PIK3C2B: variants seen among roughly 807,000 people sequenced by gnomAD.
PIK3C2B encodes the protein phosphatidylinositol-4-phosphate 3-kinase catalytic subunit type 2 beta, also known as phosphatidylinositol 4-phosphate 3-kinase C2 domain-containing subunit beta.
Under a neutral mutation model 184.3 loss-of-function variants are expected in PIK3C2B, and 83 were observed. The ratio of observed to expected loss-of-function variants is 0.45; its 90% CI spans 0.38 to 0.54. The LOEUF (loss-of-function observed/expected upper bound fraction) is 0.54, where lower values mean the gene tolerates loss of function less well. PIK3C2B is among the 20% of genes least tolerant of loss of function. PIK3C2B has a pLI of 0.00. For missense variants in PIK3C2B, 1,736 were observed against 2,113.5 expected (o/e 0.82, Z 3.50); for synonymous variants, 779 against 837.6 (o/e 0.93, Z 1.21).
Position 204,444,143 on chromosome 1 carries a change from T to C in PIK3C2B, c.2792A>G (p.Tyr931Cys). The change falls in exon 18 of 33, where the codon TAC becomes TGC. Residue 931 changes from tyrosine to cysteine, a missense_variant. Coordinates refer to ENST00000684373, the MANE Select transcript of PIK3C2B (RefSeq NM_001377334.1). The stretch of plus-strand genomic sequence containing the variant: ...GAAGCGCACCAACGGGCTGTCCAGG[T>C]AGCATTCATACTTCAGGGCCTGTTT... ...QLVQALKYEC[Y>C]LDSPLVRFLL... 6.2e-7 allele frequency: 1 copy of C among 1,613,462 alleles called. No homozygotes were observed. The highest frequency in any genetic ancestry group is 2.2e-5 in the East Asian group (1 of 44,882).
At chr1:204,455,771 A>T in intron 11 of PIK3C2B, 85 bp downstream of exon 11, 1 of 1,021,234 alleles carries the variant, frequency 9.8e-7, no homozygotes, top group Admixed American at 2.5e-5. Context: ...GACTTAGGAC[A>T]GTGGTATTAC....
At chr1:204,444,284 A>G in intron 17 of PIK3C2B, 47 bp downstream of exon 17, 1 of 1,525,428 alleles carries the variant, frequency 6.6e-7, no homozygotes, top group East Asian at 2.3e-5. Flanking sequence ...CACTTGGGAT[A>G]CTGGGGATGG....
At chr1:204,467,577 G>A (rs961603940) in intron 2 of PIK3C2B, among the ~76,000 whole-genome samples, 1 of 152,110 alleles carries the variant, frequency 6.6e-6, no homozygotes, top group African/African-American at 2.4e-5. Flanking sequence ...GCTTACACCT[G>A]TAATCCCAGA....
Position 204,440,176 on chromosome 1 carries a change from C to T in PIK3C2B, c.3379+16G>A, listed in dbSNP as rs1558239077. ...AGCGGTCCCCTCCTCCACCCTCACC[C>T]CTACTCCCAACTGACCTCTGCCCCG... On this transcript the variant is annotated intron_variant, in intron 22 of 32. Coordinates refer to ENST00000684373, the MANE Select transcript of PIK3C2B (RefSeq NM_001377334.1). The T allele has an allele frequency of 6.2e-7, 1 of 1,609,586 alleles. No individual in the cohort carries two copies. Among genetic ancestry groups the T allele is most frequent in the Admixed American group, 1.7e-5 (1 of 59,720 alleles).
chr1:204,455,911 A>G lies in PIK3C2B; in HGVS notation c.1888T>C (p.Ser630Pro). 2 of 1,614,152 alleles carry G rather than the reference A, an allele frequency of 1.2e-6. No individual in the cohort carries two copies. Among genetic ancestry groups the G allele is most frequent in the Non-Finnish European group, 1.7e-6 (2 of 1,179,994 alleles). Residue 630 changes from serine (S) to proline (P), a missense_variant, in exon 11 of 33, where the codon TCC becomes CCC. Coordinates refer to ENST00000684373, the MANE Select transcript of PIK3C2B (RefSeq NM_001377334.1). Reference protein sequence around the residue: ...LVQEACHFARSLAFTVYATHR... With the variant: ...LVQEACHFARPLAFTVYATHR... ...GTGGCATAGACAGTGAAGGCCAGGGACCTGGCGAAATGGCAGGCCTCCTGG... is the reference window on the plus strand; with the variant it reads ...GTGGCATAGACAGTGAAGGCCAGGGGCCTGGCGAAATGGCAGGCCTCCTGG...
chr1:204,432,313 C>T lies in PIK3C2B; in HGVS notation c.4042G>A (p.Asp1348Asn), dbSNP rs1675106421. ...GAGGCAAAGGAGAGGGTCAGCCGGT[C>T]ATCTGAGCCCGTGAACTTCATCTGA... ...LAQMKFTGSD[D>N]RLTLSFASRT... Residue 1348 changes from aspartate to asparagine, a missense_variant, in exon 27 of 33, where the codon GAC becomes AAC. This residue lies in a region of PIK3C2B where 119 missense variants were observed against 179.3 expected (regional missense o/e 0.66). Coordinates refer to ENST00000684373, the MANE Select transcript of PIK3C2B (RefSeq NM_001377334.1). 2 of 1,614,126 alleles carry T rather than the reference C, an allele frequency of 1.2e-6. No homozygotes were observed. The highest frequency in any genetic ancestry group is 8.5e-7 in the Non-Finnish European group (1 of 1,180,006).
At position 204,424,544 on chromosome 1, in the gene PIK3C2B, C is replaced by T. The variant is rs1452808718; in HGVS notation, c.*308G>A. ...ACCCCCAAAATGCTACTTCATACAG[C>T]CCACCCCACACACTCCCCAAACCAA... On this transcript the variant is annotated 3_prime_UTR_variant, in exon 33 of 33. Coordinates refer to ENST00000684373, the MANE Select transcript of PIK3C2B (RefSeq NM_001377334.1). 6.2e-5 allele frequency: 28 copies of T among 452,200 alleles called. 2 individuals carry two copies. Among genetic ancestry groups the T allele is most frequent in the South Asian group, 4.7e-4 (27 of 57,970 alleles). The allele number at this position is 452,200 out of a possible 1,614,324, so 28.0% of individuals were successfully genotyped here.
At chr1:204,427,189 G>A (rs999927779) in intron 31 of PIK3C2B, among the ~76,000 whole-genome samples, 6 of 151,700 alleles carry the variant, frequency 4.0e-5, no homozygotes, top group African/African-American at 4.8e-5. Flanking sequence ...CTTAGAACTC[G>A]TACCAAAAAT....
intron 1 of PIK3C2B, among the ~76,000 whole-genome samples, chr1:204,481,146 C>T (rs1254304808): frequency 6.6e-6 from 1 of 151,818 alleles, no homozygotes; most frequent in Non-Finnish European, 1.5e-5. Context: ...TCCCATACCC[C>T]TCACACCCTC....
chr1:204,471,768 A>G (rs4951380), intron 1 of PIK3C2B, among the ~76,000 whole-genome samples: 124,142 of 152,230 alleles, frequency 0.82, 54,774 homozygotes, highest in Non-Finnish European at 0.98. Flanking sequence ...TTCAATCTGT[A>G]TATTTTATTA....
intron 1 of PIK3C2B, among the ~76,000 whole-genome samples, chr1:204,473,914 C>G (rs1434274794): frequency 6.6e-6 from 1 of 151,914 alleles, no homozygotes; most frequent in Non-Finnish European, 1.5e-5. Flanking sequence ...TGGTTTTTCT[C>G]TTCAGCACAT....
chr1:204,443,561 G>A lies in PIK3C2B; in HGVS notation c.2904C>T (p.Ser968=), dbSNP rs1467549019. ...CTGCCAGCAGATACTGGTAGCGGAT[G>A]CTGAACTGAGAGTCCTTGAGGCCGT... ...LKDGLKDSQF[S]IRYQYLLAAL... The change falls in exon 19 of 33, where the codon AGC becomes AGT. Residue 968 remains serine (S), a synonymous_variant. Coordinates refer to ENST00000684373, the MANE Select transcript of PIK3C2B (RefSeq NM_001377334.1). 1.9e-6 allele frequency: 3 copies of A among 1,614,132 alleles called. No homozygotes were observed. Among genetic ancestry groups the A allele is most frequent in the African/African-American group, 2.7e-5 (2 of 74,948 alleles).
intron 5 of PIK3C2B, among the ~76,000 whole-genome samples, 155 bp from the exon 6 acceptor site, chr1:204,460,816 C>T (rs1345220702): frequency 1.3e-5 from 2 of 152,128 alleles, no homozygotes; most frequent in African/African-American, 4.8e-5. Flanking sequence ...GAAAATGACA[C>T]GGTAGAGCTT....
intron 31 of PIK3C2B, 61 bp downstream of exon 31, chr1:204,427,587 C>T: frequency 8.5e-7 from 1 of 1,174,934 alleles, no homozygotes; most frequent in Non-Finnish European, 1.3e-6. Flanking sequence ...AAGGTCTGCC[C>T]AAAAAAGTAG....
chr1:204,484,820 T>C, intron 1 of PIK3C2B, among the ~76,000 whole-genome samples: 1 of 151,098 alleles, frequency 6.6e-6, no homozygotes, highest in East Asian at 1.9e-4. Flanking sequence ...AACATTTCAC[T>C]CTCCCAGGCC....
chr1:204,472,310 C>G (rs61817930), intron 1 of PIK3C2B, among the ~76,000 whole-genome samples: 123,542 of 151,492 alleles, frequency 0.82, 54,497 homozygotes, highest in Non-Finnish European at 0.98. Flanking sequence ...ACTACAGGCA[C>G]CCGCCACCAC....
intron 1 of PIK3C2B, among the ~76,000 whole-genome samples, chr1:204,486,687 G>T (rs1037652620): frequency 2.6e-5 from 4 of 152,166 alleles, no homozygotes; most frequent in South Asian, 2.1e-4. Context: ...CCGAGATTGC[G>T]CCATTGCACT....
intron 11 of PIK3C2B, 30 bp downstream of exon 11, chr1:204,455,826 T>C: frequency 6.4e-7 from 1 of 1,566,610 alleles, no homozygotes; most frequent in Middle Eastern, 1.9e-4. Flanking sequence ...CTCAGCTTGC[T>C]CCCTAGCGGC....
chr1:204,483,326 G>A (rs549026254), intron 1 of PIK3C2B, among the ~76,000 whole-genome samples: 1 of 151,890 alleles, frequency 6.6e-6, no homozygotes, highest in South Asian at 2.1e-4. Context: ...GCTGAAATAG[G>A]AGGCTCAACT....
Sources: allele counts gnomAD v4.1 joint callset (sites outside exome capture counted in the v4.1 genomes callset), GRCh38; gene constraint gnomAD v4.1.1; regional missense constraint gnomAD v4.1.1; transcripts MANE v1.5; gene names NCBI Gene and HGNC (gene_info 2026-07-23, HGNC 2026-07-21).